Variants in ITPK1 observed in about 807,000 individuals in gnomAD.
The protein encoded by ITPK1 is inositol-tetrakisphosphate 1-kinase.
In ITPK1, 21 loss-of-function variants were observed where a neutral mutation model predicts 45.3. That is an observed-to-expected ratio of 0.46 (90% CI 0.33 to 0.67). The LOEUF (loss-of-function observed/expected upper bound fraction) is 0.67. Among genes scored for constraint, ITPK1 ranks in the 30% least tolerant of loss-of-function variants. The pLI, the probability that ITPK1 is intolerant of heterozygous loss-of-function variation, is 0.02. For synonymous variants in ITPK1, 258 were observed against 253.6 expected, an observed-to-expected ratio of 1.02 and a Z score of -0.16; for missense variants, 474 against 573.5, an observed-to-expected ratio of 0.83 and a Z score of 1.77.
chr14:93,111,966 T>C (rs1400217701), intron 2 of ITPK1, among the ~76,000 whole-genome samples: 2 of 152,076 alleles, frequency 1.3e-5, no homozygotes, highest in Non-Finnish European at 2.9e-5. Flanking sequence ...CGCCTGTCCC[T>C]ACCTACGGCA....
At chr14:93,105,728 A>G in intron 2 of ITPK1, among the ~76,000 whole-genome samples, 1 of 135,044 alleles carries the variant, frequency 7.4e-6, no homozygotes, top group African/African-American at 2.9e-5. Context: ...TTTGAGACAG[A>G]GTTTCACTCA....
intron 5 of ITPK1, among the ~76,000 whole-genome samples, chr14:92,972,318 G>T (rs1175177419): frequency 6.6e-6 from 1 of 152,162 alleles, no homozygotes; most frequent in East Asian, 1.9e-4. Flanking sequence ...GTAAAATGAA[G>T]TCAGTAGAGT....
intron 5 of ITPK1, among the ~76,000 whole-genome samples, chr14:92,973,082 G>A (rs951172637): frequency 7.9e-5 from 12 of 152,130 alleles, no homozygotes; most frequent in African/African-American, 2.9e-4. Flanking sequence ...CTGCTGCCTC[G>A]AGTGGCATTC....
chr14:93,078,278 G>A (rs547944596), intron 2 of ITPK1, among the ~76,000 whole-genome samples: 35 of 152,230 alleles, frequency 2.3e-4, no homozygotes, highest in African/African-American at 6.5e-4. Flanking sequence ...CAGCTGAGGC[G>A]CCGCCCACCA....
At chr14:92,973,759 G>A (rs531934634) in intron 5 of ITPK1, among the ~76,000 whole-genome samples, 1 of 152,354 alleles carries the variant, frequency 6.6e-6, no homozygotes, top group Admixed American at 6.5e-5. Flanking sequence ...ACAGGCCTGA[G>A]CCAGGAGGGG....
At chr14:93,078,999 C>T (rs1891335605) in intron 2 of ITPK1, among the ~76,000 whole-genome samples, 2 of 152,064 alleles carry the variant, frequency 1.3e-5, no homozygotes, top group African/African-American at 2.4e-5. Flanking sequence ...TGGGCCAGGG[C>T]CTCGGTTTCC....
Position 93,016,823 on chromosome 14 carries a change from C to T in ITPK1, c.121-22G>A, listed in dbSNP as rs114487641. On this transcript the variant is annotated intron_variant, in intron 3 of 10. Coordinates refer to ENST00000267615, the MANE Select transcript of ITPK1 (RefSeq NM_014216.6). The surrounding 1 kb of genome is among the most constrained non-coding windows in gnomAD (Gnocchi z 5.0). ...TCAGCTGTGAGGCAGGGAACACAGA[C>T]AAAAGCAACAACTTCAGCACCTGAG... The T allele has an allele frequency of 3.2e-5, 52 of 1,612,438 alleles. No homozygotes were observed. The highest frequency in any genetic ancestry group is 4.1e-5 in the Non-Finnish European group (48 of 1,179,020).
At chr14:93,055,457 C>T (rs948672009) in intron 3 of ITPK1, among the ~76,000 whole-genome samples, 2 of 152,116 alleles carry the variant, frequency 1.3e-5, no homozygotes, top group African/African-American at 4.8e-5. Flanking sequence ...CCACCTCACT[C>T]GCCACCCACA....
intron 2 of ITPK1, among the ~76,000 whole-genome samples, chr14:93,112,278 G>A (rs1004923184): frequency 2.6e-5 from 4 of 152,014 alleles, no homozygotes; most frequent in African/African-American, 9.7e-5. Flanking sequence ...CTCTTGATGG[G>A]TTTCCCCATC....
At chr14:92,962,661 A>C in intron 6 of ITPK1, 90 bp downstream of exon 6, 2 of 1,010,742 alleles carry the variant, frequency 2.0e-6, no homozygotes, top group Non-Finnish European at 3.2e-6. Context: ...GTGAGCTTAA[A>C]TCCAGAGGGC....
intron 4 of ITPK1, chr14:92,998,936 A>G (rs1287120694): frequency 3.9e-5 from 6 of 152,260 alleles, no homozygotes; most frequent in Non-Finnish European, 8.8e-5. Flanking sequence ...GCTTCTTTCA[A>G]TATAAAAACG....
intron 3 of ITPK1, among the ~76,000 whole-genome samples, chr14:93,024,107 C>T: frequency 6.6e-6 from 1 of 152,082 alleles, no homozygotes; most frequent in African/African-American, 2.4e-5. Context: ...GGTGGGGAGT[C>T]AGAAGCCACG....
chr14:93,055,642 G>C (rs1890188427), intron 3 of ITPK1, among the ~76,000 whole-genome samples: 1 of 152,066 alleles, frequency 6.6e-6, no homozygotes, highest in Non-Finnish European at 1.5e-5. Flanking sequence ...CATGAGCTCG[G>C]GACTCCTCTC....
intron 3 of ITPK1, among the ~76,000 whole-genome samples, chr14:93,053,741 A>G (rs58074110): frequency 0.015 from 2,233 of 152,286 alleles, 123 homozygotes; most frequent in East Asian, 0.12. Flanking sequence ...GTGTCAGGGT[A>G]GGGCAGATAC....
chr14:93,043,760 C>A (rs1439696382), intron 3 of ITPK1, among the ~76,000 whole-genome samples: 1 of 152,206 alleles, frequency 6.6e-6, no homozygotes, highest in East Asian at 1.9e-4. Context: ...CCCAGGCCAC[C>A]GTTCTCCTTC....
intron 3 of ITPK1, among the ~76,000 whole-genome samples, chr14:93,043,852 G>A (rs1447346634): frequency 2.0e-5 from 3 of 152,156 alleles, no homozygotes; most frequent in Non-Finnish European, 4.4e-5. Flanking sequence ...CCGCCCACCT[G>A]AAGGCCCCAA....
chr14:93,076,806 C>T lies in ITPK1; in HGVS notation c.96-187G>A, dbSNP rs77055023. On this transcript the variant is annotated intron_variant, in intron 2 of 10. Transcript: ENST00000267615. This position sits in a 1 kb window ranked among gnomAD's most constrained non-coding sequence, Gnocchi z 4.3. ...CACTCCCAGCCACTCCTCAAACCAC[C>T]TTCCCACTGAGAGGGCTGGCTCTGC... is the stretch of plus-strand genomic sequence containing the variant. Among the ~76,000 whole-genome samples, 3,484 of 152,236 alleles carry T rather than the reference C, an allele frequency of 0.023. 124 individuals carry two copies. The highest frequency in any genetic ancestry group is 0.079 in the African/African-American group (3,294 of 41,506).
chr14:92,984,828 T>C (rs1886415646), intron 5 of ITPK1, among the ~76,000 whole-genome samples: 3 of 152,198 alleles, frequency 2.0e-5, no homozygotes, highest in Non-Finnish European at 1.5e-5. Flanking sequence ...TGATGACTGT[T>C]CGGTAAATAC....
intron 5 of ITPK1, among the ~76,000 whole-genome samples, chr14:92,992,200 C>G (rs139261242): frequency 3.3e-3 from 503 of 152,358 alleles, no homozygotes; most frequent in Non-Finnish European, 5.8e-3. Flanking sequence ...CTTCTGCTAG[C>G]TGGGCCTTCT....
Sources: allele counts gnomAD v4.1 joint callset (sites outside exome capture counted in the v4.1 genomes callset), GRCh38; gene constraint gnomAD v4.1.1; non-coding constraint Gnocchi (gnomAD v3.1); transcripts MANE v1.5; gene names NCBI Gene and HGNC (gene_info 2026-07-23, HGNC 2026-07-21).